The following SEC11A variants were observed in gnomAD, a reference collection of about 807,000 sequenced individuals.
SEC11A encodes signal peptidase complex catalytic subunit SEC11A.
SEC11A carries 14 observed loss-of-function variants against 25.6 expected under a neutral mutation model. The observed-to-expected ratio is 0.55, with a 90% CI of 0.36 to 0.85. SEC11A has a LOEUF of 0.85. Among genes scored for constraint, SEC11A ranks in the 40% least tolerant of loss-of-function variants. SEC11A has a pLI of 0.01. For missense variants in SEC11A, 153 were observed against 222.9 expected (o/e 0.69, Z 2.00); for synonymous variants, 83 against 76.4 (o/e 1.09, Z -0.45).
At chr15:84,708,725 C>T (rs1409732554) in intron 1 of SEC11A, among the ~76,000 whole-genome samples, 1 of 151,678 alleles carries the variant, frequency 6.6e-6, no homozygotes, top group Non-Finnish European at 1.5e-5. Context: ...GAGGTTGAGA[C>T]TGCAGTGAGC....
rs576828781 is a variant in SEC11A, at chr15:84,707,679, A to T, written c.51+8346T>A. Among the ~76,000 whole-genome samples, 7 of 152,304 alleles carry T rather than the reference A, an allele frequency of 4.6e-5. 1 individual carries two copies. The South Asian group carries it at 1.0e-3, about 23-fold the overall frequency. ...AGATAACCCTTCTGAAGAAGAGTTA[A>T]AACCACAGTTTCTCCTAAGGGGAGC... On this transcript the variant is annotated intron_variant, in intron 1 of 5. Coordinates refer to ENST00000268220, the MANE Select transcript of SEC11A (RefSeq NM_014300.4).
intron 4 of SEC11A, chr15:84,679,184 A>G (rs180870122): frequency 1.1e-5 from 9 of 787,562 alleles, no homozygotes; most frequent in Non-Finnish European, 3.6e-6. Flanking sequence ...TAATTTGAGG[A>G]AAAACAAAGA....
At chr15:84,685,424 A>ATT (rs35058951) in intron 3 of SEC11A, among the ~76,000 whole-genome samples, 6 of 133,598 alleles carry the variant, frequency 4.5e-5, no homozygotes, top group African/African-American at 1.1e-4. Flanking sequence ...TGCCTGACTC[A>ATT]TTTTTTTTTT....
chr15:84,713,488 A>C (rs866136067), intron 1 of SEC11A, among the ~76,000 whole-genome samples: 1 of 152,140 alleles, frequency 6.6e-6, no homozygotes, highest in Admixed American at 6.6e-5. Flanking sequence ...ATCTCATTTC[A>C]TAACTCTCCC....
intron 1 of SEC11A, among the ~76,000 whole-genome samples, chr15:84,711,808 G>A (rs887820017): frequency 3.5e-5 from 5 of 144,466 alleles, no homozygotes; most frequent in Admixed American, 6.9e-5. Context: ...AAAAGAAGCC[G>A]TACTCCAAAC....
Position 84,680,693 on chromosome 15 carries a change from A to G in SEC11A, c.431+20T>C. On this transcript the variant is annotated intron_variant, in intron 4 of 5. Transcript: ENST00000268220. ...CTTCAAGTGATATAAAAAGTTTGAG[A>G]TGCTCCCCTCTATACTTACCCCCTG... The G allele has an allele frequency of 1.3e-6, 2 of 1,573,112 alleles. No individual in the cohort carries two copies. The highest frequency in any genetic ancestry group is 1.7e-6 in the Non-Finnish European group (2 of 1,158,172).
chr15:84,712,973 G>A (rs1433468014), intron 1 of SEC11A, among the ~76,000 whole-genome samples: 5 of 152,064 alleles, frequency 3.3e-5, no homozygotes, highest in African/African-American at 9.7e-5. Context: ...TTGGAAGGCC[G>A]AGGCAGGCGG....
intron 4 of SEC11A, chr15:84,679,784 T>A: frequency 3.6e-6 from 2 of 551,262 alleles, no homozygotes; most frequent in Non-Finnish European, 6.3e-6. Context: ...TTAGGGTTGT[T>A]CTGAGGTTAA....
At chr15:84,696,366 G>A (rs766131019) in intron 1 of SEC11A, among the ~76,000 whole-genome samples, 1 of 152,190 alleles carries the variant, frequency 6.6e-6, no homozygotes, top group Non-Finnish European at 1.5e-5. Flanking sequence ...CATGATAGAA[G>A]TAGGAAAACT....
intron 1 of SEC11A, among the ~76,000 whole-genome samples, chr15:84,713,904 GGAACCTCT>G (rs1898370729): frequency 6.6e-6 from 1 of 151,990 alleles, no homozygotes; most frequent in Non-Finnish European, 1.5e-5. Flanking sequence ...TGCCCTGACT[GGAACCTCT>G]CAAAATTTTC....
chr15:84,687,583 A>T (rs1567037603), intron 3 of SEC11A, 42 bp downstream of exon 3: 1 of 1,493,806 alleles, frequency 6.7e-7, no homozygotes. Flanking sequence ...AAACACTTAA[A>T]CAAAAGCACT....
chr15:84,706,195 C>A (rs535029308), intron 1 of SEC11A, among the ~76,000 whole-genome samples: 17 of 152,234 alleles, frequency 1.1e-4, no homozygotes, highest in African/African-American at 3.9e-4. Context: ...GCATGAGCCA[C>A]CATACCTGGC....
intron 4 of SEC11A, 132 bp from the exon 5 acceptor site, chr15:84,670,914 C>G: frequency 4.4e-6 from 2 of 454,028 alleles, no homozygotes; most frequent in South Asian, 8.1e-5. Context: ...ATATACTGCC[C>G]TATTTGATCC....
intron 1 of SEC11A, among the ~76,000 whole-genome samples, chr15:84,697,456 G>T (rs895577334): frequency 6.7e-6 from 1 of 149,270 alleles, no homozygotes; most frequent in African/African-American, 2.6e-5. Flanking sequence ...AGAGAAAGAG[G>T]TTAAAGTTCC....
intron 4 of SEC11A, among the ~76,000 whole-genome samples, chr15:84,677,033 G>A (rs1897153446): frequency 6.6e-6 from 1 of 152,064 alleles, no homozygotes; most frequent in South Asian, 2.1e-4. Flanking sequence ...GGAGGTTGCA[G>A]TGAGCCATGA....
intron 1 of SEC11A, among the ~76,000 whole-genome samples, chr15:84,710,330 T>C (rs1596085433): frequency 1.3e-5 from 2 of 152,198 alleles, no homozygotes; most frequent in African/African-American, 2.4e-5. Context: ...AAACCAAACA[T>C]AGGCTCTTAA....
At chr15:84,712,403 T>C (rs76338965) in intron 1 of SEC11A, among the ~76,000 whole-genome samples, 2,315 of 152,184 alleles carry the variant, frequency 0.015, 65 homozygotes, top group African/African-American at 0.052. Flanking sequence ...TCTGAAAGTG[T>C]TTTATGGTTT....
intron 2 of SEC11A, among the ~76,000 whole-genome samples, chr15:84,689,605 CTTTCT>C (rs1164565561): frequency 6.4e-5 from 7 of 109,132 alleles, no homozygotes; most frequent in Admixed American, 4.2e-4. Context: ...TGTTTCTTTT[CTTTCT>C]TTTTTTTTTT....
intron 4 of SEC11A, among the ~76,000 whole-genome samples, chr15:84,674,919 T>C (rs1034722213): frequency 6.6e-6 from 1 of 152,162 alleles, no homozygotes; most frequent in African/African-American, 2.4e-5. Flanking sequence ...TGAAAGCAAC[T>C]TGGTCTTTAG....
Sources: allele counts gnomAD v4.1 joint callset (sites outside exome capture counted in the v4.1 genomes callset), GRCh38; gene constraint gnomAD v4.1.1; transcripts MANE v1.5; gene names NCBI Gene and HGNC (gene_info 2026-07-23, HGNC 2026-07-21).